Variants in SCOC observed in about 807,000 individuals in gnomAD.
The protein encoded by SCOC is short coiled coil protein.
A neutral mutation model predicts 9.9 loss-of-function variants in SCOC; 7 were observed. The ratio of observed to expected loss-of-function variants is 0.71; its 90% CI spans 0.40 to 1.33. The LOEUF (loss-of-function observed/expected upper bound fraction) is 1.33. SCOC is among the 40% of genes most tolerant of loss of function. The pLI is 0.01. For synonymous variants in SCOC, 19 were observed against 28.2 expected, an observed-to-expected ratio of 0.67 and a Z score of 1.03; for missense variants, 66 against 89.7, an observed-to-expected ratio of 0.74 and a Z score of 1.07.
chr4:140,339,268 T>A (rs943438397), upstream of SCOC, among the ~76,000 whole-genome samples: 2 of 152,038 alleles, frequency 1.3e-5, no homozygotes, highest in African/African-American at 4.8e-5. Flanking sequence ...TGAAACTGGA[T>A]CCCTTCCTTA....
chr4:140,352,736 A>T lies in SCOC; in HGVS notation c.70+9028A>T, dbSNP rs144486046. Among the ~76,000 whole-genome samples, 498 of 152,344 alleles carry T rather than the reference A, an allele frequency of 3.3e-3. 4 individuals are homozygous for T. Among genetic ancestry groups the T allele is most frequent in the African/African-American group, 0.011 (470 of 41,584 alleles). On this transcript the variant is annotated intron_variant, in intron 2 of 4. Transcript: ENST00000338517. ...ATTTTCTCAGCAAAGGATAAGTCGT[A>T]ATATTTTGACTCTTCCTTTCAAAGA...
chr4:140,295,332 A>C (rs373069457), intron 1 of SCOC, among the ~76,000 whole-genome samples: 30 of 149,726 alleles, frequency 2.0e-4, no homozygotes, highest in African/African-American at 7.1e-4. Flanking sequence ...ACCATGGGTT[A>C]AAAAAAAAAT....
intron 1 of SCOC, among the ~76,000 whole-genome samples, chr4:140,270,663 A>C (rs1461323060): frequency 6.6e-6 from 1 of 152,162 alleles, no homozygotes; most frequent in Non-Finnish European, 1.5e-5. Flanking sequence ...CTAGTGACCC[A>C]AATGTGAGAG....
intron 1 of SCOC, among the ~76,000 whole-genome samples, chr4:140,311,903 G>T (rs1687915967): frequency 6.6e-6 from 1 of 152,106 alleles, no homozygotes; most frequent in African/African-American, 2.4e-5. Context: ...ATATTTTTCT[G>T]CCACCTAAAA....
chr4:140,275,373 G>A (rs746979493), intron 1 of SCOC, among the ~76,000 whole-genome samples: 15 of 152,186 alleles, frequency 9.9e-5, no homozygotes, highest in African/African-American at 3.4e-4. Flanking sequence ...CTGCTATGCT[G>A]TGTGTGCCTG....
chr4:140,335,677 GATATTT>G (rs1340989579), intron 1 of SCOC, among the ~76,000 whole-genome samples: 1 of 152,156 alleles, frequency 6.6e-6, no homozygotes, highest in Non-Finnish European at 1.5e-5. Flanking sequence ...AGCTCTTAGA[GATATTT>G]CCCTGGTTAT....
intron 1 of SCOC, among the ~76,000 whole-genome samples, chr4:140,269,071 A>G (rs1257363648): frequency 6.6e-6 from 1 of 152,158 alleles, no homozygotes; most frequent in East Asian, 1.9e-4. Context: ...AAAGTTCAGA[A>G]CGGAGAATAG....
At chr4:140,373,192 T>C, upstream of SCOC, 1 of 833,968 alleles carries the variant, frequency 1.2e-6, no homozygotes, top group Non-Finnish European at 1.5e-6. Flanking sequence ...GGTGTCGCGT[T>C]GACTTTCTCT....
At chr4:140,305,433 C>A (rs1055771274) in intron 1 of SCOC, among the ~76,000 whole-genome samples, 1 of 152,198 alleles carries the variant, frequency 6.6e-6, no homozygotes, top group African/African-American at 2.4e-5. Context: ...AAATAGCAGA[C>A]ATTGTCTTAT....
At chr4:140,290,784 G>A (rs1158831407) in intron 1 of SCOC, among the ~76,000 whole-genome samples, 3 of 152,188 alleles carry the variant, frequency 2.0e-5, no homozygotes, top group Non-Finnish European at 4.4e-5. Context: ...CTGCACTCCA[G>A]CCTGGGAAAC....
At chr4:140,311,840 G>A (rs985534302) in intron 1 of SCOC, among the ~76,000 whole-genome samples, 4 of 152,136 alleles carry the variant, frequency 2.6e-5, no homozygotes. Flanking sequence ...AACAATGCCT[G>A]GCAAGTAGTT....
At chr4:140,307,067 C>T (rs997690709) in intron 1 of SCOC, among the ~76,000 whole-genome samples, 2 of 152,078 alleles carry the variant, frequency 1.3e-5, no homozygotes, top group African/African-American at 2.4e-5. Context: ...GCCCAAGGGA[C>T]GTTGTTCATC....
At chr4:140,343,541 T>G (rs1726586748) in intron 1 of SCOC, 1 of 869,868 alleles carries the variant, frequency 1.1e-6, no homozygotes, top group African/African-American at 1.7e-5. Context: ...TGCTTGGAAG[T>G]TCACTGATTA....
At chr4:140,299,430 A>ACC (rs1731750432) in intron 1 of SCOC, among the ~76,000 whole-genome samples, 1 of 152,098 alleles carries the variant, frequency 6.6e-6, no homozygotes, top group Non-Finnish European at 1.5e-5. Flanking sequence ...TTCTTTTTTC[A>ACC]ATTTTTTTCT....
chr4:140,270,269 G>C lies in SCOC; in HGVS notation c.-19+12859G>C, dbSNP rs928628907. On this transcript the variant is annotated intron_variant, in intron 1 of 4. Transcript: ENST00000394205. Reference sequence around the variant, plus strand: ...TATGATTAGGCTAATGATTCTCAGAGTATGGTACCTAAACAATACATCAGC... The same window carrying C: ...TATGATTAGGCTAATGATTCTCAGACTATGGTACCTAAACAATACATCAGC... Among the ~76,000 whole-genome samples the C allele has an allele frequency of 2.6e-5, 4 of 152,196 alleles. No homozygotes were observed. In the East Asian group the frequency reaches 7.7e-4, roughly 29 times the overall value.
chr4:140,359,768 C>T (rs1727382482), intron 2 of SCOC, among the ~76,000 whole-genome samples: 1 of 152,180 alleles, frequency 6.6e-6, no homozygotes, highest in Non-Finnish European at 1.5e-5. Flanking sequence ...AGTGAGGCTC[C>T]TCAGGGATGG....
intron 1 of SCOC, among the ~76,000 whole-genome samples, chr4:140,291,769 G>C (rs1212396535): frequency 5.3e-5 from 8 of 152,184 alleles, no homozygotes; most frequent in East Asian, 1.9e-4. Flanking sequence ...AGCTCTATTG[G>C]GGGGGCTGTG....
chr4:140,373,517 T>G, upstream of SCOC: 1 of 1,551,674 alleles, frequency 6.4e-7, no homozygotes, highest in Non-Finnish European at 8.7e-7. Flanking sequence ...ATTGGACGAC[T>G]GGGGTGAGGC....
intron 1 of SCOC, among the ~76,000 whole-genome samples, chr4:140,268,995 A>G (rs1416629392): frequency 6.6e-6 from 1 of 152,222 alleles, no homozygotes; most frequent in Non-Finnish European, 1.5e-5. Flanking sequence ...CAGTCATAAG[A>G]TGAAGACGGT....
Sources: gnomAD v4.1 joint callset for allele counts (sites outside exome capture counted in the v4.1 genomes callset) on GRCh38, gnomAD v4.1.1 for gene constraint, MANE v1.5 for transcripts, NCBI Gene and HGNC (gene_info 2026-07-23, HGNC 2026-07-21) for gene names.